GRAMD2B: variants seen among roughly 807,000 people sequenced by gnomAD.
The protein encoded by GRAMD2B is GRAM domain-containing protein 2B.
GRAMD2B carries 41 observed loss-of-function variants against 59.2 expected under a neutral mutation model. That is an observed-to-expected ratio of 0.69 (90% CI 0.54 to 0.90). The LOEUF is 0.90. GRAMD2B is among the 40% of genes least tolerant of loss of function. The probability of loss-of-function intolerance (pLI) is 0.00; values close to 1 mark genes in which losing one functional copy is unlikely to be tolerated. For missense variants in GRAMD2B, 424 were observed against 500.5 expected, an observed-to-expected ratio of 0.85 and a Z score of 1.46; for synonymous variants, 161 against 182.7, an observed-to-expected ratio of 0.88 and a Z score of 0.96.
At chr5:126,369,958 G>A (rs1754658263), upstream of GRAMD2B, among the ~76,000 whole-genome samples, 1 of 152,288 alleles carries the variant, frequency 6.6e-6, no homozygotes, top group South Asian at 2.1e-4. Context: ...CTTATTTAAT[G>A]TCTCCAACAT....
intron 1 of GRAMD2B, among the ~76,000 whole-genome samples, chr5:126,409,204 G>C (rs1258143041): frequency 2.0e-5 from 3 of 152,150 alleles, no homozygotes; most frequent in Admixed American, 2.0e-4. Flanking sequence ...TATACACCCA[G>C]TAATGGGATG....
Position 126,465,477 on chromosome 5 carries a change from A to G in GRAMD2B, c.135A>G (p.Pro45=). 6.2e-7 allele frequency: 1 copy of G among 1,614,176 alleles called. No homozygotes were observed. Among genetic ancestry groups the G allele is most frequent in the Non-Finnish European group, 8.5e-7 (1 of 1,180,004 alleles). The stretch of plus-strand genomic sequence containing the variant: ...AGAAAAAGAAAGCCTGCAGGTCGCC[A>G]ACAGCCCAATCCCCTACCCCATCTG... ...VEEKKKACRS[P]TAQSPTPSVE... The change falls in exon 2 of 14, where the codon CCA becomes CCG. Residue 45 remains proline, a synonymous_variant. Transcript: ENST00000285689.
intron 1 of GRAMD2B, among the ~76,000 whole-genome samples, chr5:126,374,463 G>A (rs544126862): frequency 6.6e-6 from 1 of 152,100 alleles, no homozygotes; most frequent in Non-Finnish European, 1.5e-5. Context: ...TCCAGACGCT[G>A]ATCTTTTGTT....
At chr5:126,402,183 G>A (rs1196013815) in intron 1 of GRAMD2B, among the ~76,000 whole-genome samples, 1 of 151,998 alleles carries the variant, frequency 6.6e-6, no homozygotes, top group African/African-American at 2.4e-5. Context: ...TTATGTATCT[G>A]TAGGGCTTCT....
chr5:126,484,348 T>C, intron 9 of GRAMD2B, 54 bp from the exon 10 acceptor site: 1 of 1,570,724 alleles, frequency 6.4e-7, no homozygotes, highest in Non-Finnish European at 8.6e-7. Context: ...AGATTAATCC[T>C]GTTTTTAAAT....
chr5:126,486,785 G>A (rs1012970420), intron 11 of GRAMD2B, 88 bp from the exon 12 acceptor site: 12 of 721,648 alleles, frequency 1.7e-5, no homozygotes, highest in African/African-American at 1.2e-4. Context: ...ACCTTGCCTC[G>A]GGTGTACCAC....
At chr5:126,381,419 A>G (rs1755646612) in intron 1 of GRAMD2B, among the ~76,000 whole-genome samples, 1 of 152,008 alleles carries the variant, frequency 6.6e-6, no homozygotes, top group Non-Finnish European at 1.5e-5. Flanking sequence ...CTGTTCAACT[A>G]GTCCTTTTAT....
At chr5:126,474,367 G>A (rs1404850409) in intron 5 of GRAMD2B, among the ~76,000 whole-genome samples, 2 of 152,188 alleles carry the variant, frequency 1.3e-5, no homozygotes. Context: ...TCTTTTGTTG[G>A]TGTTGGAGCT....
chr5:126,407,665 T>C (rs577621836), intron 1 of GRAMD2B, among the ~76,000 whole-genome samples: 9 of 152,130 alleles, frequency 5.9e-5, no homozygotes, highest in African/African-American at 1.9e-4. Context: ...AGAGGTCACA[T>C]CTTGTATATC....
intron 5 of GRAMD2B, among the ~76,000 whole-genome samples, chr5:126,474,414 C>A (rs1288305477): frequency 6.6e-6 from 1 of 152,064 alleles, no homozygotes; most frequent in East Asian, 1.9e-4. Flanking sequence ...AAAACATATT[C>A]TTTTTTATTG....
At chr5:126,379,399 CT>C (rs549468187) in intron 1 of GRAMD2B, among the ~76,000 whole-genome samples, 108 of 152,242 alleles carry the variant, frequency 7.1e-4, no homozygotes, top group African/African-American at 2.4e-3. Flanking sequence ...GTAATGACTT[CT>C]TTTCCTCTGG....
At chr5:126,457,271 G>T (rs1766483414) in intron 1 of GRAMD2B, among the ~76,000 whole-genome samples, 1 of 148,124 alleles carries the variant, frequency 6.8e-6, no homozygotes, top group African/African-American at 2.5e-5. Flanking sequence ...TACCTATTCT[G>T]TTTTTGAATT....
intron 8 of GRAMD2B, among the ~76,000 whole-genome samples, chr5:126,482,734 G>A (rs1772125727): frequency 6.6e-6 from 1 of 152,210 alleles, no homozygotes; most frequent in Admixed American, 6.5e-5. Context: ...CTTACAAGAT[G>A]AGTCTCTTCT....
chr5:126,374,107 A>G, intron 1 of GRAMD2B, among the ~76,000 whole-genome samples: 1 of 152,182 alleles, frequency 6.6e-6, no homozygotes. Context: ...GCACATACCT[A>G]GAGGAAATGT....
In GRAMD2B at chr5:126,423,537, A is replaced by G. The variant is rs553087865; in HGVS notation, c.-70A>G. ...TTGCTTGGCCTGCGCACCCGGACCT[A>G]GAAGCCGGGACGAGCCGGGGCAGAG... On this transcript the variant is annotated 5_prime_UTR_variant, in exon 1 of 14. Coordinates refer to ENST00000285689, the MANE Select transcript of GRAMD2B (RefSeq NM_023927.4). 65 of 1,567,998 alleles carry G rather than the reference A, an allele frequency of 4.1e-5. 2 individuals carry two copies. The Admixed American group carries it at 9.2e-4, about 22-fold the overall frequency.
chr5:126,410,086 C>T (rs1195094273), intron 1 of GRAMD2B, among the ~76,000 whole-genome samples: 1 of 151,946 alleles, frequency 6.6e-6, no homozygotes, highest in Non-Finnish European at 1.5e-5. Flanking sequence ...GTTTTGGTTA[C>T]TGTAGCCTTG....
chr5:126,397,105 A>G (rs1013163762), intron 1 of GRAMD2B, among the ~76,000 whole-genome samples: 2 of 152,180 alleles, frequency 1.3e-5, no homozygotes, highest in African/African-American at 4.8e-5. Context: ...ATAGTTTGCA[A>G]AATTTTCTCC....
At chr5:126,447,703 C>T (rs111731499) in intron 1 of GRAMD2B, among the ~76,000 whole-genome samples, 2,395 of 151,140 alleles carry the variant, frequency 0.016, 39 homozygotes, top group Non-Finnish European at 0.025. Context: ...GATCAGAAAG[C>T]CTGGCCTTTA....
intron 1 of GRAMD2B, among the ~76,000 whole-genome samples, chr5:126,382,505 C>T (rs1482395136): frequency 2.6e-5 from 4 of 151,994 alleles, no homozygotes; most frequent in Non-Finnish European, 5.9e-5. Flanking sequence ...GTGTATTTTG[C>T]GTTTCTCTAA....
Sources: allele counts gnomAD v4.1 joint callset (sites outside exome capture counted in the v4.1 genomes callset), GRCh38; gene constraint gnomAD v4.1.1; transcripts MANE v1.5; gene names NCBI Gene and HGNC (gene_info 2026-07-23, HGNC 2026-07-21).